Variants in NAALADL2 observed in about 807,000 individuals in gnomAD.
The protein encoded by NAALADL2 is inactive N-acetylated-alpha-linked acidic dipeptidase-like protein 2.
A neutral mutation model predicts 87.2 loss-of-function variants in NAALADL2; 76 were observed. The ratio of observed to expected loss-of-function variants is 0.87; its 90% CI spans 0.72 to 1.05. The LOEUF (loss-of-function observed/expected upper bound fraction) is 1.05, where lower values mean the gene tolerates loss of function less well. Among genes scored for constraint, NAALADL2 ranks in the 50% least tolerant of loss-of-function variants. NAALADL2 has a pLI of 0.00. For missense variants in NAALADL2, 1,089 were observed against 945.8 expected, an observed-to-expected ratio of 1.15 and a Z score of -1.99; for synonymous variants, 354 against 331.0, an observed-to-expected ratio of 1.07 and a Z score of -0.75.
intron 9 of NAALADL2, among the ~76,000 whole-genome samples, chr3:175,549,780 T>C (rs1450668705): frequency 6.6e-6 from 1 of 152,038 alleles, no homozygotes; most frequent in Admixed American, 6.6e-5. Context: ...AGTCAGAAGT[T>C]ATTATTACAC....
intron 9 of NAALADL2, among the ~76,000 whole-genome samples, chr3:175,562,012 G>T (rs922079638): frequency 3.8e-4 from 58 of 152,176 alleles, no homozygotes; most frequent in African/African-American, 3.4e-4. Context: ...GTGTCTGTCT[G>T]CAAAATGCCA....
intron 4 of NAALADL2, among the ~76,000 whole-genome samples, chr3:175,292,593 T>TACACACACACACACACACACACAC (rs71164627): frequency 6.9e-6 from 1 of 145,268 alleles, no homozygotes; most frequent in Non-Finnish European, 1.5e-5. Flanking sequence ...TGAGTTGGGA[T>TACACACACACACACACACACACAC]ACACACACAC....
chr3:175,286,363 C>A (rs2110111457), intron 4 of NAALADL2, among the ~76,000 whole-genome samples: 1 of 152,228 alleles, frequency 6.6e-6, no homozygotes. Flanking sequence ...CCACGATGGG[C>A]AGAAAGCTGT....
chr3:174,570,805 T>C (rs1394209748), intron 2 of NAALADL2, among the ~76,000 whole-genome samples: 1 of 152,198 alleles, frequency 6.6e-6, no homozygotes, highest in Non-Finnish European at 1.5e-5. Flanking sequence ...TTTTGGATAA[T>C]ACTAATTCTG....
At chr3:175,792,418 C>T (rs1326663175) in intron 13 of NAALADL2, among the ~76,000 whole-genome samples, 1 of 152,092 alleles carries the variant, frequency 6.6e-6, no homozygotes, top group Non-Finnish European at 1.5e-5. Flanking sequence ...GCACTTTGTA[C>T]TTACTTTTCA....
intron 1 of NAALADL2, among the ~76,000 whole-genome samples, chr3:174,923,836 T>C (rs942029074): frequency 6.6e-6 from 1 of 152,100 alleles, no homozygotes; most frequent in African/African-American, 2.4e-5. Flanking sequence ...ACTGTAGAGG[T>C]AGAATACAGA....
intron 11 of NAALADL2, among the ~76,000 whole-genome samples, chr3:175,657,992 GTA>G (rs140915131): frequency 1.3e-5 from 2 of 151,098 alleles, no homozygotes; most frequent in East Asian, 1.9e-4. Context: ...AAAAGAATAT[GTA>G]TATATATATA....
At chr3:174,441,062 T>C (rs1383175077) in intron 1 of NAALADL2, 1 of 152,120 alleles carries the variant, frequency 6.6e-6, no homozygotes, top group Non-Finnish European at 1.5e-5. Context: ...TTTCAAAGTT[T>C]TGCCAAAACA....
chr3:175,204,333 A>G (rs1278365647), intron 2 of NAALADL2, among the ~76,000 whole-genome samples: 7 of 152,250 alleles, frequency 4.6e-5, no homozygotes, highest in Admixed American at 2.6e-4. Flanking sequence ...CAACAGAATT[A>G]AAAACAAAAA....
At chr3:175,428,019 CAATT>C (rs1255443930) in intron 5 of NAALADL2, among the ~76,000 whole-genome samples, 4 of 152,146 alleles carry the variant, frequency 2.6e-5, no homozygotes, top group Admixed American at 6.6e-5. Flanking sequence ...ACCATGTACT[CAATT>C]AAGAACATAA....
At chr3:175,663,588 T>C (rs1460943977) in intron 11 of NAALADL2, among the ~76,000 whole-genome samples, 3 of 151,882 alleles carry the variant, frequency 2.0e-5, no homozygotes, top group Admixed American at 2.0e-4. Context: ...TATTTATTTC[T>C]ACTAATTTTG....
intron 11 of NAALADL2, among the ~76,000 whole-genome samples, chr3:175,635,193 A>T (rs756433498): frequency 1.3e-5 from 2 of 152,100 alleles, no homozygotes; most frequent in African/African-American, 4.8e-5. Flanking sequence ...TATAATTTGT[A>T]AAGACACGCC....
chr3:175,655,291 A>T (rs571517075), intron 11 of NAALADL2, among the ~76,000 whole-genome samples: 2 of 152,256 alleles, frequency 1.3e-5, no homozygotes, highest in South Asian at 4.1e-4. Context: ...GAGTATCTAC[A>T]TATATTTCAT....
At chr3:175,256,257 C>A (rs1256353986) in intron 3 of NAALADL2, among the ~76,000 whole-genome samples, 154 bp from the exon 4 acceptor site, 1 of 151,998 alleles carries the variant, frequency 6.6e-6, no homozygotes, top group Admixed American at 6.6e-5. Context: ...ATAGAAAGGT[C>A]ATGTTTATGG....
chr3:174,729,027 T>G (rs780498534), intron 2 of NAALADL2, among the ~76,000 whole-genome samples: 2 of 152,068 alleles, frequency 1.3e-5, no homozygotes, highest in Non-Finnish European at 2.9e-5. Context: ...AGAGCCAGGC[T>G]TCCTTCAACT....
chr3:174,921,753 C>T (rs1032573179), intron 1 of NAALADL2, among the ~76,000 whole-genome samples: 4 of 137,776 alleles, frequency 2.9e-5, no homozygotes, highest in Non-Finnish European at 6.0e-5. Context: ...TGCAGTAAGC[C>T]GAGATTGTGC....
upstream of NAALADL2, among the ~76,000 whole-genome samples, chr3:174,858,601 G>A (rs776555296): frequency 2.0e-5 from 3 of 151,964 alleles, no homozygotes; most frequent in Non-Finnish European, 4.4e-5. Flanking sequence ...CATAACTGAT[G>A]TCAGTACATG....
chr3:174,822,898 T>G (rs1030836993), intron 3 of NAALADL2, among the ~76,000 whole-genome samples: 3 of 152,302 alleles, frequency 2.0e-5, no homozygotes, highest in South Asian at 2.1e-4. Context: ...CAAAAGCACT[T>G]AATATTTTTT....
chr3:175,726,670 T>C (rs939348214), intron 11 of NAALADL2, among the ~76,000 whole-genome samples: 5 of 152,134 alleles, frequency 3.3e-5, no homozygotes, highest in African/African-American at 1.2e-4. Context: ...TTGTCTCTCC[T>C]TCCCATCCTA....
Sources: gnomAD v4.1 joint callset for allele counts (sites outside exome capture counted in the v4.1 genomes callset) on GRCh38, gnomAD v4.1.1 for gene constraint, MANE v1.5 for transcripts, NCBI Gene and HGNC (gene_info 2026-07-23, HGNC 2026-07-21) for gene names.